PLIN1: variants seen among roughly 807,000 people sequenced by gnomAD.
The protein encoded by PLIN1 is perilipin 1, also known as perilipin-1.
A neutral mutation model predicts 45.8 loss-of-function variants in PLIN1; 37 were observed. The observed-to-expected ratio is 0.81, with a 90% confidence interval of 0.62 to 1.06. PLIN1 has a LOEUF of 1.06. Ranked by LOEUF, PLIN1 falls within the 50% of genes least tolerant of loss-of-function variation. PLIN1 has a pLI of 0.00. For synonymous variants in PLIN1, 340 were observed against 309.2 expected, an observed-to-expected ratio of 1.10 and a Z score of -1.05; for missense variants, 776 against 716.5, an observed-to-expected ratio of 1.08 and a Z score of -0.95.
At chr15:89,678,301 G>A (rs1360255834) in intron 1 of PLIN1, among the ~76,000 whole-genome samples, 1 of 151,904 alleles carries the variant, frequency 6.6e-6, no homozygotes, top group Admixed American at 6.5e-5. Context: ...CCTGAGTTCA[G>A]GAGTTCAAGA....
At chr15:89,677,370 T>C in intron 2 of PLIN1, 75 bp downstream of exon 2, 1 of 1,168,432 alleles carries the variant, frequency 8.6e-7, no homozygotes, top group Non-Finnish European at 1.3e-6. Context: ...CTAAGTCCCC[T>C]GCATCTCCCC....
chr15:89,664,942 C>T lies in PLIN1; in HGVS notation c.*641G>A, dbSNP rs965339718. 1 of 456,042 alleles carries T rather than the reference C, an allele frequency of 2.2e-6. No homozygotes were observed. Among genetic ancestry groups the T allele is most frequent in the Non-Finnish European group, 4.4e-6 (1 of 226,790 alleles). The allele number at this position is 456,042 out of a possible 1,614,324, so 28.2% of individuals were successfully genotyped here. On this transcript the variant is annotated 3_prime_UTR_variant, in exon 9 of 9. Coordinates refer to ENST00000300055, the MANE Select transcript of PLIN1 (RefSeq NM_002666.5). ...TGGAAATGTGGCTGTGAGCAAGCAG[C>T]TGGCTCTACAAAGCACACAGGCCTG...
At chr15:89,667,348 G>A (rs895493807) in intron 7 of PLIN1, among the ~76,000 whole-genome samples, 167 bp from the exon 8 acceptor site, 4 of 152,220 alleles carry the variant, frequency 2.6e-5, no homozygotes, top group African/African-American at 4.8e-5. Flanking sequence ...TTCCCTCTCT[G>A]AACCTCTGTT....
At chr15:89,674,455 G>A (rs1022166038) in intron 2 of PLIN1, among the ~76,000 whole-genome samples, 3 of 151,962 alleles carry the variant, frequency 2.0e-5, no homozygotes, top group African/African-American at 2.4e-5. Flanking sequence ...GGGTCTTGCC[G>A]GTCTTGAACT....
chr15:89,670,095 C>T lies in PLIN1; in HGVS notation c.483G>A (p.Ala161=). 2.5e-6 allele frequency: 4 copies of T among 1,614,092 alleles called. No homozygotes were observed. The highest frequency in any genetic ancestry group is 2.2e-5 in the East Asian group (1 of 44,898). Residue 161 remains alanine (A), a synonymous_variant, in exon 5 of 9, where the codon GCG becomes GCA. Transcript: ENST00000300055. Reference sequence around the variant, plus strand: ...CAGCTCGAGTGTTGGCAGCAAATTCCGCAGTGTCTCTGGCCACCCCCCAGG... The same window carrying T: ...CAGCTCGAGTGTTGGCAGCAAATTCTGCAGTGTCTCTGGCCACCCCCCAGG... ...ELAWGVARDT[A]EFAANTRAGR...
At chr15:89,669,771 C>T (rs1964408422) in intron 5 of PLIN1, 99 bp from the exon 6 acceptor site, 1 of 1,148,136 alleles carries the variant, frequency 8.7e-7, no homozygotes, top group East Asian at 2.7e-5. Flanking sequence ...GTTCTAGGTC[C>T]ACCACAAACT....
intron 7 of PLIN1, 58 bp from the exon 8 acceptor site, chr15:89,667,239 C>T (rs878930697): frequency 3.5e-5 from 56 of 1,604,482 alleles, no homozygotes; most frequent in South Asian, 3.1e-4. Flanking sequence ...CCTTCCCTCC[C>T]CACCAGCCCC....
intron 5 of PLIN1, 135 bp from the exon 6 acceptor site, chr15:89,669,807 T>C (rs1274190468): frequency 1.8e-6 from 1 of 560,472 alleles, no homozygotes; most frequent in Non-Finnish European, 2.9e-6. Context: ...CAACTCACTT[T>C]CCCTCTTTAC....
intron 3 of PLIN1, among the ~76,000 whole-genome samples, chr15:89,672,357 T>C (rs1964453540): frequency 1.3e-5 from 2 of 152,206 alleles, no homozygotes; most frequent in African/African-American, 4.8e-5. Flanking sequence ...ATATATTCTT[T>C]TGCCAGATAC....
In PLIN1 at chr15:89,665,649, G is replaced by A. The variant is rs1259543042; in HGVS notation, c.1503C>T (p.Phe501=). ...KPKRRVSDSF[F]RPSVMEPILG... ...GGATGGGCTCCATGACGCTGGGCCG[G>A]AAGAAGCTGTCGCTGACCCTGCGCT... is the stretch of plus-strand genomic sequence containing the variant. Residue 501 remains phenylalanine, a synonymous_variant, in exon 9 of 9, where the codon TTC becomes TTT. Transcript: ENST00000300055. 10 of 1,503,436 alleles carry A rather than the reference G, an allele frequency of 6.7e-6. No individual in the cohort carries two copies. Among genetic ancestry groups the A allele is most frequent in the Non-Finnish European group, 8.9e-6 (10 of 1,128,956 alleles). 93.1% of individuals were successfully genotyped at this position (1,503,436 alleles called of 1,614,324 possible).
chr15:89,665,966 G>A, intron 8 of PLIN1, 24 bp from the exon 9 acceptor site: 2 of 1,471,468 alleles, frequency 1.4e-6, no homozygotes, highest in Non-Finnish European at 9.0e-7. Context: ...AGCCGCCTTA[G>A]AGTCCTGGCT....
intron 4 of PLIN1, 37 bp downstream of exon 4, chr15:89,671,445 G>C (rs763616407): frequency 1.4e-6 from 2 of 1,399,898 alleles, no homozygotes; most frequent in South Asian, 2.5e-5. Flanking sequence ...GGTGACGACA[G>C]AGTGCAGGGA....
chr15:89,678,999 C>T (rs1193349081), intron 1 of PLIN1, among the ~76,000 whole-genome samples: 1 of 152,038 alleles, frequency 6.6e-6, no homozygotes, highest in Non-Finnish European at 1.5e-5. Context: ...GCATGCACCA[C>T]AATGCAGGGC....
At chr15:89,676,188 A>G (rs1964512220) in intron 2 of PLIN1, among the ~76,000 whole-genome samples, 1 of 152,138 alleles carries the variant, frequency 6.6e-6, no homozygotes, top group Admixed American at 6.6e-5. Flanking sequence ...GACCCCCATC[A>G]ATGACACCTA....
intron 4 of PLIN1, among the ~76,000 whole-genome samples, chr15:89,671,235 G>C (rs1228504646): frequency 6.6e-6 from 1 of 152,198 alleles, no homozygotes; most frequent in East Asian, 1.9e-4. Context: ...CCCGCCTCAA[G>C]CTCCTGTTTG....
chr15:89,675,564 G>T (rs906425256), intron 2 of PLIN1, among the ~76,000 whole-genome samples: 2 of 152,000 alleles, frequency 1.3e-5, no homozygotes, highest in African/African-American at 4.8e-5. Flanking sequence ...CTATGACAAT[G>T]CCACTGCACT....
chr15:89,672,300 G>A (rs1476401484), intron 3 of PLIN1, among the ~76,000 whole-genome samples: 1 of 152,226 alleles, frequency 6.6e-6, no homozygotes, highest in African/African-American at 2.4e-5. Context: ...CTGCAGCCAT[G>A]GCCAATGGGG....
rs572733568 is a variant in PLIN1, at chr15:89,673,973, G to A, written c.46-559C>T. ...AAGCTTCCAGACTCTCCTCCATCAC[G>A]TCGGAAACCACTCCCTCCCTGGCTC... On this transcript the variant is annotated intron_variant, in intron 2 of 8. Transcript: ENST00000300055. 3.9e-5 allele frequency among the ~76,000 whole-genome samples: 6 copies of A among 152,156 alleles called. No homozygotes were observed. In the South Asian group the frequency reaches 6.2e-4, roughly 16 times the overall value.
At position 89,673,279 on chromosome 15, in the gene PLIN1, C is replaced by T. The variant is rs1193349011; in HGVS notation, c.181G>A (p.Gly61Ser). Residue 61 changes from glycine (G) to serine (S), a missense_variant, in exon 3 of 9, where the codon GGC becomes AGC. Transcript: ENST00000300055. ...VASVCNAYEKGVQSASSLAAW... is the reference protein window; with the variant it reads ...VASVCNAYEKSVQSASSLAAW... Reference sequence around the variant, plus strand: ...GCCAAGCTACTGGCGCTCTGCACGCCCTTCTCATAGGCATTGCACACAGAG... The same window carrying T: ...GCCAAGCTACTGGCGCTCTGCACGCTCTTCTCATAGGCATTGCACACAGAG... 4.4e-6 allele frequency: 7 copies of T among 1,582,598 alleles called. No homozygotes were observed. Among genetic ancestry groups the T allele is most frequent in the Admixed American group, 1.8e-5 (1 of 56,466 alleles).
Sources: allele counts gnomAD v4.1 joint callset (sites outside exome capture counted in the v4.1 genomes callset), GRCh38; gene constraint gnomAD v4.1.1; transcripts MANE v1.5; gene names NCBI Gene and HGNC (gene_info 2026-07-23, HGNC 2026-07-21).